TBC1D9B: variants seen among roughly 807,000 people sequenced by gnomAD.
TBC1D9B encodes TBC1 domain family member 9B, also known as TBC1 domain family, member 9B (with GRAM domain).
A neutral mutation model predicts 121.1 loss-of-function variants in TBC1D9B; 87 were observed. The ratio of observed to expected loss-of-function variants is 0.72; its 90% CI spans 0.60 to 0.86. The LOEUF is 0.86. Ranked by LOEUF, TBC1D9B falls within the 40% of genes least tolerant of loss-of-function variation. The probability of loss-of-function intolerance (pLI) is 0.00; values close to 1 mark genes in which losing one functional copy is unlikely to be tolerated. For missense variants in TBC1D9B, 1,540 were observed against 1,628.6 expected (o/e 0.95, Z 0.94); for synonymous variants, 668 against 670.1 (o/e 1.00, Z 0.05).
At chr5:179,905,940 C>T (rs776541374) in intron 1 of TBC1D9B, among the ~76,000 whole-genome samples, 8 of 152,176 alleles carry the variant, frequency 5.3e-5, no homozygotes, top group Non-Finnish European at 1.0e-4. Context: ...AGTGCAATGG[C>T]GCCATCTCGG....
At position 179,874,823 on chromosome 5, in the gene TBC1D9B, AG is replaced by A. The variant is rs1178757411; in HGVS notation, c.2186+78del. 1.8e-5 allele frequency: 28 copies of A among 1,551,874 alleles called. No homozygotes were observed. In the African/African-American group the frequency reaches 3.8e-4, roughly 21 times the overall value. On this transcript the variant is annotated intron_variant, in intron 12 of 20. Coordinates refer to ENST00000355235, the MANE Select transcript of TBC1D9B (RefSeq NM_015043.4). The surrounding 1 kb of genome is among the most constrained non-coding windows in gnomAD (Gnocchi z 4.3). ...GGCACTTGGTGGGCACAGTCACTTC[AG>A]GCTGACTGGACAGTGCCCGGGGCTG...
chr5:179,879,579 G>A, intron 8 of TBC1D9B, 49 bp downstream of exon 8: 1 of 1,612,622 alleles, frequency 6.2e-7, no homozygotes, highest in South Asian at 1.1e-5. Flanking sequence ...CTTTCCTCCT[G>A]AGGGCTCCGC....
intron 3 of TBC1D9B, among the ~76,000 whole-genome samples, chr5:179,895,415 G>A (rs780572997): frequency 3.3e-5 from 5 of 152,078 alleles, no homozygotes; most frequent in African/African-American, 1.2e-4. Context: ...TCTGTAAAGC[G>A]CTTCTCTTAT....
intron 20 of TBC1D9B, among the ~76,000 whole-genome samples, chr5:179,864,412 C>G (rs1188986752): frequency 3.3e-5 from 5 of 152,198 alleles, no homozygotes; most frequent in Non-Finnish European, 7.3e-5. Context: ...TCTGTTGGCA[C>G]AGGGAGATGG....
At chr5:179,878,949 G>T in intron 9 of TBC1D9B, 98 bp downstream of exon 9, 1 of 1,466,568 alleles carries the variant, frequency 6.8e-7, no homozygotes, top group Non-Finnish European at 9.0e-7. Flanking sequence ...CTCCTGCCTG[G>T]CCAACTCCAG....
At chr5:179,877,885 G>A (rs1760405872) in intron 10 of TBC1D9B, among the ~76,000 whole-genome samples, 1 of 152,154 alleles carries the variant, frequency 6.6e-6, no homozygotes, top group South Asian at 2.1e-4. Context: ...TAGAACAGTG[G>A]TTGCTAATGG....
At chr5:179,879,824 A>G in intron 7 of TBC1D9B, 35 bp from the exon 8 acceptor site, 2 of 1,569,670 alleles carry the variant, frequency 1.3e-6, no homozygotes, top group Non-Finnish European at 1.7e-6. Context: ...ACGCCCTAAC[A>G]ACTGTGCTGC....
Position 179,867,666 on chromosome 5 carries a change from C to T in TBC1D9B, c.2863+112G>A, listed in dbSNP as rs760919706. ...GTCCCCTGGGGAGAACCCCATGCGG[C>T]CTGCTCCCTGAGCCCAGGTGGGACT... On this transcript the variant is annotated intron_variant, in intron 18 of 20. Transcript: ENST00000355235. 5.9e-6 allele frequency: 9 copies of T among 1,537,630 alleles called. 1 individual carries two copies. Among genetic ancestry groups the T allele is most frequent in the Non-Finnish European group, 8.0e-6 (9 of 1,119,506 alleles).
intron 18 of TBC1D9B, 114 bp downstream of exon 18, chr5:179,867,664 G>A (rs1032859608): frequency 5.2e-6 from 8 of 1,532,326 alleles, no homozygotes; most frequent in Middle Eastern, 3.4e-4. Flanking sequence ...AACCCCATGC[G>A]GCCTGCTCCC....
intron 10 of TBC1D9B, among the ~76,000 whole-genome samples, chr5:179,877,210 C>T (rs1261646995): frequency 1.3e-5 from 2 of 150,636 alleles, no homozygotes; most frequent in East Asian, 3.9e-4. Flanking sequence ...GACAGTGAGA[C>T]CCCATGTCTA....
In TBC1D9B at chr5:179,865,485, G is replaced by A; in HGVS notation, c.2915-125C>T. The A allele has an allele frequency of 1.1e-6, 1 of 901,718 alleles. No individual in the cohort carries two copies. Among genetic ancestry groups the A allele is most frequent in the Non-Finnish European group, 1.8e-6 (1 of 571,184 alleles). The allele number at this position is 901,718 out of a possible 1,614,324, so 55.9% of individuals were successfully genotyped here. ...CCAGGGCCCTATCATAAAACACCCT[G>A]GCGTTTGGGAAGGTGGTCATGGGAA... is the stretch of plus-strand genomic sequence containing the variant. On this transcript the variant is annotated intron_variant, in intron 19 of 20. Transcript: ENST00000355235. The surrounding 1 kb of genome is among the most constrained non-coding windows in gnomAD (Gnocchi z 5.1).
intron 3 of TBC1D9B, among the ~76,000 whole-genome samples, chr5:179,896,879 TCTTTA>T (rs756308664): frequency 6.6e-5 from 10 of 152,070 alleles, no homozygotes; most frequent in East Asian, 1.9e-4. Context: ...TCATCCTCTC[TCTTTA>T]GAGTTTTGCT....
At chr5:179,882,935 T>G (rs1256789545) in intron 7 of TBC1D9B, among the ~76,000 whole-genome samples, 2 of 152,224 alleles carry the variant, frequency 1.3e-5, no homozygotes, top group Non-Finnish European at 2.9e-5. Context: ...CATTGCAACC[T>G]CCTTCTCCCA....
Position 179,879,130 on chromosome 5 carries a change from A to G in TBC1D9B, c.1484T>C (p.Met495Thr). ...HFFEYGRGVC[M>T]YRTAKTRALV... ...TGCCCGCGTCTTGGCTGTGCGGTAC[A>G]TGCACACGCCACGCCCGTACTCGAA... Residue 495 changes from methionine to threonine, a missense_variant, in exon 9 of 21, where the codon ATG (methionine) becomes ACG (threonine). Coordinates refer to ENST00000355235, the MANE Select transcript of TBC1D9B (RefSeq NM_015043.4). 1.9e-6 allele frequency: 3 copies of G among 1,607,838 alleles called. No homozygotes were observed. The highest frequency in any genetic ancestry group is 2.5e-6 in the Non-Finnish European group (3 of 1,179,830).
intron 6 of TBC1D9B, among the ~76,000 whole-genome samples, chr5:179,889,526 C>T (rs1301366739): frequency 6.6e-6 from 1 of 152,020 alleles, no homozygotes. Context: ...CCAACATGCT[C>T]CCACTGACAT....
In TBC1D9B at chr5:179,902,649, C is replaced by T. The variant is rs1337689915; in HGVS notation, c.229+2053G>A. On this transcript the variant is annotated intron_variant, in intron 2 of 20. Coordinates refer to ENST00000355235, the MANE Select transcript of TBC1D9B (RefSeq NM_015043.4). This position sits in a 1 kb window ranked among gnomAD's most constrained non-coding sequence, Gnocchi z 4.9. Reference sequence around the variant, plus strand: ...CTAAAGGGATTCCCACTCTGCCCCTCGTACTTTTCTCTCCCCAGGGACGGG... The same window carrying T: ...CTAAAGGGATTCCCACTCTGCCCCTTGTACTTTTCTCTCCCCAGGGACGGG... 1.3e-5 allele frequency among the ~76,000 whole-genome samples: 2 copies of T among 152,176 alleles called. No homozygotes were observed. Among genetic ancestry groups the T allele is most frequent in the African/African-American group, 2.4e-5 (1 of 41,440 alleles).
Position 179,873,351 on chromosome 5 carries a change from T to A in TBC1D9B, c.2187-103A>T. 3 of 1,433,842 alleles carry A rather than the reference T, an allele frequency of 2.1e-6. No individual in the cohort carries two copies. In the South Asian group the frequency reaches 4.4e-5, roughly 21 times the overall value. 88.8% of individuals were successfully genotyped at this position (1,433,842 alleles called of 1,614,324 possible). ...GGGACCCAATCTTTATGCAGACTCC[T>A]AATAAGGAGTGTGCAGAGGACTGGG... On this transcript the variant is annotated intron_variant, in intron 12 of 20. Coordinates refer to ENST00000355235, the MANE Select transcript of TBC1D9B (RefSeq NM_015043.4).
intron 15 of TBC1D9B, among the ~76,000 whole-genome samples, chr5:179,871,012 T>C (rs1483423306): frequency 6.6e-6 from 1 of 152,202 alleles, no homozygotes; most frequent in Non-Finnish European, 1.5e-5. Flanking sequence ...AGAAAAATTC[T>C]CTTTGCACTG....
At position 179,893,615 on chromosome 5, in the gene TBC1D9B, C is replaced by T; in HGVS notation, c.578-148G>A. The T allele has an allele frequency of 3.5e-6, 4 of 1,156,592 alleles. 1 individual carries two copies. Among genetic ancestry groups the T allele is most frequent in the Non-Finnish European group, 4.7e-6 (4 of 844,402 alleles). 71.6% of individuals were successfully genotyped at this position (1,156,592 alleles called of 1,614,324 possible). Reference sequence around the variant, plus strand: ...CCAGGCCTGTCTGGGCTGTGTCACGCCCTCCATGTGGAGGGACCAGGCCAC... The same window carrying T: ...CCAGGCCTGTCTGGGCTGTGTCACGTCCTCCATGTGGAGGGACCAGGCCAC... On this transcript the variant is annotated intron_variant, in intron 4 of 20. Coordinates refer to ENST00000355235, the MANE Select transcript of TBC1D9B (RefSeq NM_015043.4).
Sources: gnomAD v4.1 joint callset for allele counts (sites outside exome capture counted in the v4.1 genomes callset) on GRCh38, gnomAD v4.1.1 for gene constraint, Gnocchi (gnomAD v3.1) non-coding constraint, MANE v1.5 for transcripts, NCBI Gene and HGNC (gene_info 2026-07-23, HGNC 2026-07-21) for gene names.